CPAMD8: variants seen among roughly 807,000 people sequenced by gnomAD.
The protein encoded by CPAMD8 is C3 and PZP-like alpha-2-macroglobulin domain-containing protein 8.
A neutral mutation model predicts 224.7 loss-of-function variants in CPAMD8; 146 were observed. The ratio of observed to expected loss-of-function variants is 0.65; its 90% CI spans 0.57 to 0.75. The LOEUF is 0.75. Ranked by LOEUF, CPAMD8 falls within the 30% of genes least tolerant of loss-of-function variation. The pLI is 0.00. For missense variants in CPAMD8, 2,301 were observed against 2,537.5 expected (o/e 0.91, Z 2.00); for synonymous variants, 966 against 1,044.6 (o/e 0.92, Z 1.45).
At chr19:17,000,187 C>T (rs1289905897) in intron 10 of CPAMD8, 8 of 406,442 alleles carry the variant, frequency 2.0e-5, no homozygotes, top group Non-Finnish European at 3.4e-5. Context: ...ACAGCGGTGG[C>T]TCACACTTGT....
intron 22 of CPAMD8, among the ~76,000 whole-genome samples, chr19:16,942,999 TTTTTCTTTTTTC>T (rs2053951779): frequency 7.0e-6 from 1 of 142,084 alleles, no homozygotes; most frequent in African/African-American, 2.8e-5. Flanking sequence ...ACTTTTTTCT[TTTTTCTTTTTTC>T]TTTTTTTTTT....
chr19:16,996,151 AAAAT>A (rs899014601), intron 11 of CPAMD8, among the ~76,000 whole-genome samples: 1 of 152,046 alleles, frequency 6.6e-6, no homozygotes, highest in African/African-American at 2.4e-5. Flanking sequence ...CTCTTGTCTC[AAAAT>A]AAATAAATAA....
chr19:17,002,384 T>C (rs1275311710), intron 8 of CPAMD8, 34 bp from the exon 9 acceptor site: 1 of 1,510,230 alleles, frequency 6.6e-7, no homozygotes, highest in Non-Finnish European at 9.1e-7. Flanking sequence ...GGGGCTGGCT[T>C]CTGTCCCTAA....
At chr19:16,960,453 TAA>T (rs79746442) in intron 18 of CPAMD8, among the ~76,000 whole-genome samples, 27,945 of 144,522 alleles carry the variant, frequency 0.19, 2,835 homozygotes, top group Admixed American at 0.26. Flanking sequence ...TATATATTTG[TAA>T]AAAAAAAAAA....
rs1224126728 is a variant in CPAMD8 at position 16,958,064 on chromosome 19, C to A, written c.2214-149G>T. 59 of 694,406 alleles carry A rather than the reference C, an allele frequency of 8.5e-5. 1 individual carries two copies. In the South Asian group the frequency reaches 1.0e-3, roughly 12 times the overall value. 43.0% of individuals were successfully genotyped at this position (694,406 alleles called of 1,614,324 possible). A position where few individuals can be genotyped will look rare whatever the true frequency, so the allele number is the denominator to read the frequency against. On this transcript the variant is annotated intron_variant, in intron 18 of 41. Transcript: ENST00000443236. ...AACATTGTACTTCACTGGGATATAA[C>A]ATGTTAATTCTCTTACCTGGCAGGG... is the stretch of plus-strand genomic sequence containing the variant.
chr19:16,926,506 C>T (rs997809064), intron 25 of CPAMD8, among the ~76,000 whole-genome samples: 46 of 152,172 alleles, frequency 3.0e-4, no homozygotes, highest in Admixed American at 1.1e-3. Flanking sequence ...TTAGAAGAGA[C>T]GAGCTTTCTC....
chr19:17,003,676 G>C (rs2056400555), intron 8 of CPAMD8, among the ~76,000 whole-genome samples: 1 of 150,936 alleles, frequency 6.6e-6, no homozygotes, highest in East Asian at 2.1e-4. Context: ...AACTCAGGAG[G>C]CTGAGGAGGG....
chr19:16,946,002 T>G (rs372083905), intron 21 of CPAMD8, among the ~76,000 whole-genome samples: 7 of 152,318 alleles, frequency 4.6e-5, no homozygotes, highest in African/African-American at 1.7e-4. Context: ...TGTGTGCATA[T>G]GCATGTGTGT....
At chr19:16,998,395 G>C (rs1289412538) in intron 10 of CPAMD8, among the ~76,000 whole-genome samples, 2 of 152,238 alleles carry the variant, frequency 1.3e-5, no homozygotes, top group African/African-American at 4.8e-5. Flanking sequence ...AGGAGGCAGA[G>C]GCTGCAGTGA....
chr19:17,004,299 T>C lies in CPAMD8; in HGVS notation c.647A>G (p.Asn216Ser). ...IFVEMQGHAYNKSFEVQKYVL... is the reference protein window; with the variant it reads ...IFVEMQGHAYSKSFEVQKYVL... ...ATACTTCTGAACTTCAAAAGACTTG[T>C]TGTACGCGTGGCCTTGCATTTCAAC... The change falls in exon 8 of 42, where the codon AAC becomes AGC. Residue 216 changes from asparagine (N) to serine (S), a missense_variant. Physicochemically the swap from Asn to Ser is conservative, Grantham distance 46 (BLOSUM62 1). This residue lies in a region of CPAMD8 where 283 missense variants were observed against 340.6 expected (regional missense o/e 0.83). Coordinates refer to ENST00000443236, the MANE Select transcript of CPAMD8 (RefSeq NM_015692.5). The C allele has an allele frequency of 6.2e-7, 1 of 1,610,380 alleles. No individual in the cohort carries two copies. The highest frequency in any genetic ancestry group is 1.3e-5 in the African/African-American group (1 of 74,966).
At position 16,952,149 on chromosome 19, in the gene CPAMD8, G is replaced by A; in HGVS notation, c.2328C>T (p.Thr776=). Reference sequence around the variant, plus strand: ...GGGCCACGGCCTCACCCACCCAGCTGGTGATGGAGTCCGGGACCTTCACAC... The same window carrying A: ...GGGCCACGGCCTCACCCACCCAGCTAGTGATGGAGTCCGGGACCTTCACAC... The part of the protein sequence containing the change: ...TLSVKVPDSI[T]SWVGEAVALS... The change falls in exon 20 of 42, where the codon ACC becomes ACT. Residue 776 remains threonine, a synonymous_variant. Coordinates refer to ENST00000443236, the MANE Select transcript of CPAMD8 (RefSeq NM_015692.5). 6.4e-7 allele frequency: 1 copy of A among 1,551,464 alleles called. No individual in the cohort carries two copies. Among genetic ancestry groups the A allele is most frequent in the African/African-American group, 1.4e-5 (1 of 73,202 alleles).
intron 6 of CPAMD8, 156 bp downstream of exon 6, chr19:17,009,147 A>T: frequency 8.4e-7 from 1 of 1,188,252 alleles, no homozygotes; most frequent in Non-Finnish European, 1.2e-6. Context: ...CCCAGGGCGG[A>T]CCCAGGGACC....
chr19:16,935,362 A>G (rs1390889145), intron 23 of CPAMD8, among the ~76,000 whole-genome samples: 8 of 152,122 alleles, frequency 5.3e-5, no homozygotes, highest in African/African-American at 1.4e-4. Context: ...AACATTCCCA[A>G]CACCACAGAG....
intron 3 of CPAMD8, among the ~76,000 whole-genome samples, chr19:17,012,317 C>T (rs558903186): frequency 1.1e-4 from 16 of 151,524 alleles, no homozygotes; most frequent in African/African-American, 3.6e-4. Context: ...TTGCACCCGG[C>T]CATATCTTTT....
intron 12 of CPAMD8, among the ~76,000 whole-genome samples, chr19:16,990,753 C>T (rs190274623): frequency 8.4e-4 from 125 of 149,330 alleles, no homozygotes; most frequent in African/African-American, 3.0e-3. Flanking sequence ...GTCCCAGCTA[C>T]TTGGGAGGCT....
rs2052354379 is a variant in CPAMD8, at chr19:16,903,716, G to A, written c.4393C>T (p.Leu1465=). The change falls in exon 33 of 42, where the codon CTG becomes TTG. Residue 1465 remains leucine (L), a synonymous_variant. Coordinates refer to ENST00000443236, the MANE Select transcript of CPAMD8 (RefSeq NM_015692.5). ...FELHRTNQKV[L]QTAAIPSLPT... ...GGAACACGCACCGCTGCTGTCTGCA[G>A]AACCTTCTGGTTGGTCCTGTGCAGC... 1 of 1,614,178 alleles carries A rather than the reference G, an allele frequency of 6.2e-7. No individual in the cohort carries two copies. The highest frequency in any genetic ancestry group is 8.5e-7 in the Non-Finnish European group (1 of 1,180,032).
intron 26 of CPAMD8, among the ~76,000 whole-genome samples, chr19:16,924,333 C>T (rs950427080): frequency 2.6e-5 from 4 of 152,052 alleles, no homozygotes; most frequent in African/African-American, 7.2e-5. Flanking sequence ...ACACAGGGTC[C>T]GGCTGTCCCC....
intron 8 of CPAMD8, chr19:17,002,552 C>T (rs940090263): frequency 1.0e-4 from 50 of 479,404 alleles, no homozygotes; most frequent in African/African-American, 8.7e-4. Flanking sequence ...GGACTAGGAC[C>T]CCATTTTCCT....
intron 3 of CPAMD8, among the ~76,000 whole-genome samples, chr19:17,019,817 C>T (rs1257705440): frequency 1.3e-5 from 2 of 151,932 alleles, no homozygotes; most frequent in Non-Finnish European, 1.5e-5. Flanking sequence ...GATCAACCCA[C>T]CTCAGCCTCG....
Sources: gnomAD v4.1 joint callset for allele counts (sites outside exome capture counted in the v4.1 genomes callset) on GRCh38, gnomAD v4.1.1 for gene constraint, gnomAD v4.1.1 regional missense constraint, MANE v1.5 for transcripts, NCBI Gene and HGNC (gene_info 2026-07-23, HGNC 2026-07-21) for gene names.